Variants in NF2 observed in about 807,000 individuals in gnomAD.
The protein encoded by NF2 is merlin.
A neutral mutation model predicts 83.7 loss-of-function variants in NF2; 8 were observed. The ratio of observed to expected loss-of-function variants is 0.10; its 90% CI spans 0.06 to 0.17. The LOEUF (loss-of-function observed/expected upper bound fraction) is 0.17. Among genes scored for constraint, NF2 ranks in the 10% least tolerant of loss-of-function variants. NF2 has a pLI of 1.00. For missense variants in NF2, 533 were observed against 744.4 expected, an observed-to-expected ratio of 0.72 and a Z score of 3.31; for synonymous variants, 266 against 269.6, an observed-to-expected ratio of 0.99 and a Z score of 0.13.
At chr22:29,660,124 A>G (rs914895563) in intron 7 of NF2, among the ~76,000 whole-genome samples, 1 of 152,108 alleles carries the variant, frequency 6.6e-6, no homozygotes, top group Non-Finnish European at 1.5e-5. Context: ...CTTCCACTCC[A>G]AATGAGGGCT....
At chr22:29,685,923 C>T (rs1489789187) in intron 15 of NF2, among the ~76,000 whole-genome samples, 1 of 152,000 alleles carries the variant, frequency 6.6e-6, no homozygotes, top group Admixed American at 6.6e-5. Context: ...CTGCCACTTC[C>T]TTTCTCTATA....
At chr22:29,609,399 T>G in intron 1 of NF2, 1 of 550,066 alleles carries the variant, frequency 1.8e-6, no homozygotes, top group Non-Finnish European at 3.5e-6. Flanking sequence ...CTAACATGAT[T>G]GTGTCTGGCA....
At chr22:29,659,524 G>C (rs1238302137) in intron 7 of NF2, among the ~76,000 whole-genome samples, 11 of 152,058 alleles carry the variant, frequency 7.2e-5, no homozygotes, top group Admixed American at 3.9e-4. Flanking sequence ...ACTGTTTTTT[G>C]TGTGTGTTTC....
At position 29,606,613 on chromosome 22, in the gene NF2, A is replaced by G. The variant is rs1431243193; in HGVS notation, c.114+2501A>G. 2.0e-5 allele frequency among the ~76,000 whole-genome samples: 3 copies of G among 152,188 alleles called. No individual in the cohort carries two copies. The East Asian group carries it at 5.8e-4, about 29-fold the overall frequency. On this transcript the variant is annotated intron_variant, in intron 1 of 15. Transcript: ENST00000338641. ...ATTCATGCCTAAGGGCAATCTGGAG[A>G]TGTGAAGGTTTTGGTAAGAGGCAAC... is the stretch of plus-strand genomic sequence containing the variant.
At chr22:29,642,018 T>C (rs148512564) in intron 3 of NF2, among the ~76,000 whole-genome samples, 184 bp from the exon 4 acceptor site, 2 of 152,196 alleles carry the variant, frequency 1.3e-5, no homozygotes, top group African/African-American at 4.8e-5. Context: ...TACCAGTAAC[T>C]TCTGTGACTG....
chr22:29,687,068 C>T (rs532100100), intron 15 of NF2, among the ~76,000 whole-genome samples: 1 of 152,180 alleles, frequency 6.6e-6, no homozygotes, highest in Non-Finnish European at 1.5e-5. Flanking sequence ...GGAATATATA[C>T]ATTCAGGGTC....
At chr22:29,608,211 T>C (rs1601524792) in intron 1 of NF2, among the ~76,000 whole-genome samples, 1 of 138,860 alleles carries the variant, frequency 7.2e-6, no homozygotes, top group Non-Finnish European at 1.6e-5. Context: ...CAATAACAAA[T>C]TTAAAAATTA....
At chr22:29,665,136 G>T in intron 9 of NF2, 72 bp downstream of exon 9, 1 of 1,146,754 alleles carries the variant, frequency 8.7e-7, no homozygotes, top group Non-Finnish European at 1.3e-6. Flanking sequence ...CTTTTTAAAG[G>T]ATATCAGAGT....
chr22:29,613,303 G>T (rs1404569597), intron 1 of NF2, among the ~76,000 whole-genome samples: 1 of 152,152 alleles, frequency 6.6e-6, no homozygotes, highest in Admixed American at 6.5e-5. Flanking sequence ...GCCAAGGCAG[G>T]CAGATCACTT....
intron 8 of NF2, among the ~76,000 whole-genome samples, chr22:29,664,663 G>A (rs973938861): frequency 2.0e-5 from 3 of 152,224 alleles, no homozygotes; most frequent in African/African-American, 7.2e-5. Context: ...ATGAAGGTGG[G>A]CCCATGCCCT....
intron 15 of NF2, among the ~76,000 whole-genome samples, chr22:29,688,068 G>C (rs2067310968): frequency 6.6e-6 from 1 of 152,158 alleles, no homozygotes; most frequent in African/African-American, 2.4e-5. Flanking sequence ...TAGTTTTCTT[G>C]CTTGTTTCTG....
At chr22:29,677,061 C>T (rs922161255) in intron 13 of NF2, among the ~76,000 whole-genome samples, 3 of 127,220 alleles carry the variant, frequency 2.4e-5, no homozygotes, top group African/African-American at 7.7e-5. Context: ...ATGTTCCAAG[C>T]CTCTGCTCTT....
chr22:29,642,842 CCT>C (rs2065849797), intron 4 of NF2, among the ~76,000 whole-genome samples: 2 of 152,272 alleles, frequency 1.3e-5, no homozygotes, highest in African/African-American at 4.8e-5. Flanking sequence ...TTCATCTGCC[CCT>C]GATTGACATG....
chr22:29,644,657 G>T (rs1245647794), intron 4 of NF2, among the ~76,000 whole-genome samples: 1 of 152,170 alleles, frequency 6.6e-6, no homozygotes, highest in African/African-American at 2.4e-5. Context: ...ACGAGACTCC[G>T]TCTGCAATCC....
At chr22:29,673,828 T>C (rs1015278850) in intron 12 of NF2, among the ~76,000 whole-genome samples, 3 of 152,210 alleles carry the variant, frequency 2.0e-5, no homozygotes, top group Admixed American at 6.5e-5. Flanking sequence ...GGAGGCTCTT[T>C]GTGCATTTAA....
chr22:29,695,555 C>T lies in NF2; in HGVS notation c.*753C>T, dbSNP rs996878321. The T allele has an allele frequency of 3.8e-5, 9 of 235,424 alleles. No homozygotes were observed. In the East Asian group the frequency reaches 4.2e-4, roughly 11 times the overall value. 14.6% of individuals were successfully genotyped at this position (235,424 alleles called of 1,614,324 possible). On this transcript the variant is annotated 3_prime_UTR_variant, in exon 16 of 16. Coordinates refer to ENST00000338641, the MANE Select transcript of NF2 (RefSeq NM_000268.4). This position sits in a 1 kb window ranked among gnomAD's most constrained non-coding sequence, Gnocchi z 5.4. ...CCTCCGGCCACCCTAGACCAGGGTC[C>T]GAGAGGCAGGCAGGAGCCACTCATG...
At chr22:29,676,882 A>G (rs1023476347) in intron 13 of NF2, among the ~76,000 whole-genome samples, 3 of 152,222 alleles carry the variant, frequency 2.0e-5, no homozygotes, top group African/African-American at 7.2e-5. Flanking sequence ...ACATACACAT[A>G]GAGAAGTGCC....
At chr22:29,624,124 G>A (rs2065281802) in intron 1 of NF2, among the ~76,000 whole-genome samples, 1 of 152,200 alleles carries the variant, frequency 6.6e-6, no homozygotes, top group African/African-American at 2.4e-5. Flanking sequence ...TGCTTCCCAA[G>A]TGACCTTGAA....
At chr22:29,622,981 TGG>T (rs2146773101) in intron 1 of NF2, among the ~76,000 whole-genome samples, 2 of 109,176 alleles carry the variant, frequency 1.8e-5, no homozygotes, top group East Asian at 5.2e-4. Context: ...TTTTTCGAGA[TGG>T]GGTCTCACTC....
Sources: gnomAD v4.1 joint callset for allele counts (sites outside exome capture counted in the v4.1 genomes callset) on GRCh38, gnomAD v4.1.1 for gene constraint, Gnocchi (gnomAD v3.1) non-coding constraint, MANE v1.5 for transcripts, NCBI Gene and HGNC (gene_info 2026-07-23, HGNC 2026-07-21) for gene names.